Variants in GLI3 observed in about 807,000 individuals in gnomAD.
GLI3 encodes transcription activator GLI3.
GLI3 carries 20 observed loss-of-function variants against 100.8 expected under a neutral mutation model. That is an observed-to-expected ratio of 0.20 (90% CI 0.14 to 0.29). The LOEUF is 0.29. Ranked by LOEUF, GLI3 falls within the 10% of genes least tolerant of loss-of-function variation. The pLI, the probability that GLI3 is intolerant of heterozygous loss-of-function variation, is 1.00. For synonymous variants in GLI3, 938 were observed against 860.5 expected, an observed-to-expected ratio of 1.09 and a Z score of -1.58; for missense variants, 2,040 against 2,128.5, an observed-to-expected ratio of 0.96 and a Z score of 0.82.
Position 41,972,646 on chromosome 7 carries a change from A to C in GLI3, c.1813-19T>G, listed in dbSNP as rs373582801. 1.3e-6 allele frequency: 2 copies of C among 1,597,602 alleles called. No homozygotes were observed. The highest frequency in any genetic ancestry group is 2.7e-5 in the African/African-American group (2 of 74,884). On this transcript the variant is annotated intron_variant, in intron 12 of 14. Coordinates refer to ENST00000395925, the MANE Select transcript of GLI3 (RefSeq NM_000168.6). This position sits in a 1 kb window ranked among gnomAD's most constrained non-coding sequence, Gnocchi z 4.4. ...ATGGTTTCTGCCAAATCCCACAAGA[A>C]CGAGGTAAGAGATTGTTATGAAAGA... is the stretch of plus-strand genomic sequence containing the variant.
intron 3 of GLI3, among the ~76,000 whole-genome samples, chr7:42,084,930 T>TTTTTTTTTTTTTC (rs1785071558): frequency 3.8e-5 from 4 of 104,120 alleles, no homozygotes; most frequent in African/African-American, 1.6e-4. Context: ...TTTTTTTTTT[T>TTTTTTTTTTTTTC]AGATTGAGTC....
At chr7:41,987,039 T>C (rs565909724) in intron 10 of GLI3, among the ~76,000 whole-genome samples, 2 of 151,484 alleles carry the variant, frequency 1.3e-5, no homozygotes, top group East Asian at 3.9e-4. Context: ...TGTTTTTCCA[T>C]GGAAGCACAA....
chr7:42,075,160 G>T (rs1357955030), intron 4 of GLI3, among the ~76,000 whole-genome samples: 1 of 152,120 alleles, frequency 6.6e-6, no homozygotes, highest in African/African-American at 2.4e-5. Flanking sequence ...ATTCATATTT[G>T]AATTTAATTA....
At chr7:42,102,171 C>T (rs971870828) in intron 3 of GLI3, among the ~76,000 whole-genome samples, 4 of 152,154 alleles carry the variant, frequency 2.6e-5, no homozygotes, top group African/African-American at 9.6e-5. Flanking sequence ...TTTATAGCAG[C>T]ATGATTTATA....
intron 7 of GLI3, among the ~76,000 whole-genome samples, chr7:42,032,210 C>T (rs1789315054): frequency 6.6e-6 from 1 of 151,914 alleles, no homozygotes; most frequent in African/African-American, 2.4e-5. Context: ...TAACTGAGTA[C>T]TTTATACAAA....
intron 14 of GLI3, 96 bp downstream of exon 14, chr7:41,967,500 T>C: frequency 1.2e-6 from 1 of 855,730 alleles, no homozygotes; most frequent in Non-Finnish European, 1.9e-6. Context: ...ATTTTAGGAC[T>C]GGTGGAGAAA....
At chr7:42,178,406 A>G (rs1787524630) in intron 2 of GLI3, among the ~76,000 whole-genome samples, 1 of 152,174 alleles carries the variant, frequency 6.6e-6, no homozygotes, top group Non-Finnish European at 1.5e-5. Context: ...CATGGTACTG[A>G]CCATTCTGGA....
intron 12 of GLI3, among the ~76,000 whole-genome samples, chr7:41,974,745 A>G (rs997739556): frequency 3.3e-5 from 5 of 152,258 alleles, no homozygotes; most frequent in Non-Finnish European, 5.9e-5. Flanking sequence ...GATCATGTAC[A>G]TGAAGTGCTT....
chr7:42,158,064 T>TCCCCAAA (rs1257603921), intron 2 of GLI3, among the ~76,000 whole-genome samples: 3 of 152,130 alleles, frequency 2.0e-5, no homozygotes, highest in Non-Finnish European at 4.4e-5. Context: ...TGCAAACACC[T>TCCCCAAA]CCCCAAAATG....
intron 1 of GLI3, among the ~76,000 whole-genome samples, chr7:42,244,725 T>C (rs1008954211): frequency 6.6e-6 from 1 of 151,546 alleles, no homozygotes; most frequent in Non-Finnish European, 1.5e-5. Flanking sequence ...AGTAAAATAA[T>C]CACAGTGTTG....
chr7:42,158,925 G>C (rs554387133), intron 2 of GLI3, among the ~76,000 whole-genome samples: 5 of 152,322 alleles, frequency 3.3e-5, no homozygotes, highest in South Asian at 2.1e-4. Flanking sequence ...ACATGGTTCA[G>C]AAACTTCTTC....
At chr7:42,249,183 A>G (rs1690795959) in intron 1 of GLI3, among the ~76,000 whole-genome samples, 3 of 152,220 alleles carry the variant, frequency 2.0e-5, no homozygotes, top group Non-Finnish European at 4.4e-5. Flanking sequence ...TTTATGTAAA[A>G]GACCACAACT....
Position 41,966,316 on chromosome 7 carries a change from G to A in GLI3, c.2757C>T (p.Leu919=), listed in dbSNP as rs1249928555. 4 of 1,607,918 alleles carry A rather than the reference G, an allele frequency of 2.5e-6. No individual in the cohort carries two copies. Among genetic ancestry groups the A allele is most frequent in the Admixed American group, 1.7e-5 (1 of 59,946 alleles). Residue 919 remains leucine (L), a synonymous_variant, in exon 15 of 15, where the codon CTC becomes CTT. Coordinates refer to ENST00000395925, the MANE Select transcript of GLI3 (RefSeq NM_000168.6). This position sits in a 1 kb window ranked among gnomAD's most constrained non-coding sequence, Gnocchi z 5.8. ...ASQSDGLPSL[L]SLTPAQQYRL... is the part of the protein sequence containing the mutation. The stretch of plus-strand genomic sequence containing the variant: ...GGTACTGCTGGGCGGGCGTGAGGCT[G>A]AGCAGGCTGGGCAGGCCGTCGCTCT...
chr7:41,982,873 T>G (rs1472110136), intron 10 of GLI3, among the ~76,000 whole-genome samples: 2 of 152,250 alleles, frequency 1.3e-5, no homozygotes, highest in African/African-American at 4.8e-5. Context: ...GGCCCTTACT[T>G]TTCTCATCTG....
intron 2 of GLI3, among the ~76,000 whole-genome samples, chr7:42,185,320 A>G (rs1206034029): frequency 2.6e-5 from 4 of 152,214 alleles, no homozygotes; most frequent in Non-Finnish European, 5.9e-5. Context: ...TCCAGGGACC[A>G]CCTAAAAGAC....
chr7:42,090,084 T>A (rs989228293), intron 3 of GLI3, among the ~76,000 whole-genome samples: 1 of 152,144 alleles, frequency 6.6e-6, no homozygotes, highest in Non-Finnish European at 1.5e-5. Context: ...TATTGGTGTA[T>A]CTAAGCATAT....
intron 4 of GLI3, among the ~76,000 whole-genome samples, chr7:42,056,519 A>C (rs1405529992): frequency 1.3e-5 from 2 of 152,250 alleles, no homozygotes; most frequent in African/African-American, 4.8e-5. Context: ...ATATTGCTTA[A>C]CGTATGCATT....
At chr7:42,125,552 T>C (rs909582695) in intron 3 of GLI3, among the ~76,000 whole-genome samples, 1 of 152,214 alleles carries the variant, frequency 6.6e-6, no homozygotes, top group African/African-American at 2.4e-5. Context: ...AAGCCTCTGA[T>C]GGATCTGACC....
At chr7:42,023,998 T>A (rs896682033) in intron 9 of GLI3, among the ~76,000 whole-genome samples, 2 of 152,126 alleles carry the variant, frequency 1.3e-5, no homozygotes, top group Non-Finnish European at 2.9e-5. Flanking sequence ...ACCCAAAAGA[T>A]TGGTACTTCT....
Sources: gnomAD v4.1 joint callset for allele counts (sites outside exome capture counted in the v4.1 genomes callset) on GRCh38, gnomAD v4.1.1 for gene constraint, Gnocchi (gnomAD v3.1) non-coding constraint, MANE v1.5 for transcripts, NCBI Gene and HGNC (gene_info 2026-07-23, HGNC 2026-07-21) for gene names.